The following DOCK10 variants were observed in gnomAD, a reference collection of about 807,000 sequenced individuals.
DOCK10 encodes dedicator of cytokinesis protein 10.
DOCK10 carries 145 observed loss-of-function variants against 280.1 expected under a neutral mutation model. The observed-to-expected ratio is 0.52, with a 90% confidence interval of 0.45 to 0.59. The LOEUF is 0.59. Among genes scored for constraint, DOCK10 ranks in the 20% least tolerant of loss-of-function variants. The probability of loss-of-function intolerance (pLI) is 0.00; values close to 1 mark genes in which losing one functional copy is unlikely to be tolerated. For synonymous variants in DOCK10, 915 were observed against 942.2 expected (o/e 0.97, Z 0.53); for missense variants, 2,368 against 2,651.7 (o/e 0.89, Z 2.35).
At chr2:224,831,450 G>C (rs1695226058) in intron 26 of DOCK10, among the ~76,000 whole-genome samples, 1 of 152,150 alleles carries the variant, frequency 6.6e-6, no homozygotes, top group Middle Eastern at 3.2e-3. Flanking sequence ...GGGGCACAGG[G>C]CCTGGCCTGC....
intron 39 of DOCK10, 73 bp downstream of exon 39, chr2:224,804,039 C>T (rs878924255): frequency 2.6e-6 from 2 of 756,276 alleles, no homozygotes; most frequent in Admixed American, 2.4e-5. Context: ...TGTGTCTACC[C>T]CTGACATGTG....
intron 1 of DOCK10, among the ~76,000 whole-genome samples, chr2:225,032,514 A>G (rs112254703): frequency 6.5e-4 from 99 of 151,244 alleles, no homozygotes; most frequent in African/African-American, 2.2e-3. Context: ...AAAACTTAAA[A>G]TACATTTTTT....
intron 1 of DOCK10, among the ~76,000 whole-genome samples, chr2:224,984,923 C>T (rs970953115): frequency 6.6e-6 from 1 of 151,466 alleles, no homozygotes; most frequent in Non-Finnish European, 1.5e-5. Flanking sequence ...CTCACTGCAA[C>T]CTCGGCCTCC....
At chr2:224,972,780 G>T (rs1440914078) in intron 1 of DOCK10, among the ~76,000 whole-genome samples, 2 of 152,036 alleles carry the variant, frequency 1.3e-5, no homozygotes, top group Non-Finnish European at 2.9e-5. Context: ...GAAATTAAAT[G>T]GTTAATTTCA....
At chr2:224,986,490 C>T (rs1429101081) in intron 1 of DOCK10, among the ~76,000 whole-genome samples, 2 of 152,060 alleles carry the variant, frequency 1.3e-5, no homozygotes, top group Non-Finnish European at 2.9e-5. Context: ...ACCCTGAGCG[C>T]CAATGTGACT....
chr2:224,782,065 C>G (rs181420258), intron 50 of DOCK10, among the ~76,000 whole-genome samples: 5 of 152,220 alleles, frequency 3.3e-5, no homozygotes, highest in Admixed American at 6.5e-5. Flanking sequence ...GAATGAATTT[C>G]TCTGCATTCA....
At chr2:225,041,839 G>A (rs1449327377) in intron 1 of DOCK10, among the ~76,000 whole-genome samples, 1 of 152,136 alleles carries the variant, frequency 6.6e-6, no homozygotes, top group Non-Finnish European at 1.5e-5. Context: ...GGGTGAGAGG[G>A]ACGCGCAGAC....
intron 1 of DOCK10, among the ~76,000 whole-genome samples, chr2:224,952,983 C>CG (rs1703848696): frequency 6.6e-6 from 1 of 152,136 alleles, no homozygotes; most frequent in South Asian, 2.1e-4. Context: ...TCTAAGCAAC[C>CG]GGGGGGCAGA....
chr2:224,858,883 C>T (rs149570436), intron 14 of DOCK10, among the ~76,000 whole-genome samples: 213 of 152,140 alleles, frequency 1.4e-3, no homozygotes, highest in African/African-American at 4.6e-3. Context: ...CGTTTTCTTG[C>T]CCAAAGGAAA....
At chr2:224,791,468 C>CT (rs11399072) in intron 47 of DOCK10, among the ~76,000 whole-genome samples, 25,021 of 141,278 alleles carry the variant, frequency 0.18, 2,416 homozygotes, top group African/African-American at 0.27. Context: ...GTTCAAAAGT[C>CT]TTTTTTTTTT....
At chr2:224,776,464 C>G (rs946762373) in intron 51 of DOCK10, among the ~76,000 whole-genome samples, 5 of 152,104 alleles carry the variant, frequency 3.3e-5, no homozygotes, top group Non-Finnish European at 7.4e-5. Context: ...TCTGTGTATA[C>G]TTTCTACCTA....
intron 1 of DOCK10, among the ~76,000 whole-genome samples, chr2:224,953,354 G>A (rs889597474): frequency 6.6e-6 from 1 of 152,072 alleles, no homozygotes; most frequent in African/African-American, 2.4e-5. Context: ...TTAGTTTGCT[G>A]CACAGCCTTT....
At chr2:224,767,676 C>T (rs1262509223) in intron 55 of DOCK10, among the ~76,000 whole-genome samples, 1 of 152,080 alleles carries the variant, frequency 6.6e-6, no homozygotes, top group Non-Finnish European at 1.5e-5. Context: ...TCTCCCTGCC[C>T]TTAACATAAA....
chr2:224,852,829 CAG>C (rs1412637185), intron 17 of DOCK10, 104 bp downstream of exon 17: 1 of 989,504 alleles, frequency 1.0e-6, no homozygotes, highest in Non-Finnish European at 1.4e-6. Flanking sequence ...TTTTCTATGA[CAG>C]AGTGTTGCCC....
chr2:225,035,580 ATAT>A, intron 1 of DOCK10, among the ~76,000 whole-genome samples: 1 of 109,424 alleles, frequency 9.1e-6, no homozygotes, highest in South Asian at 2.6e-4. Flanking sequence ...ATATATATAT[ATAT>A]ATATAACACT....
intron 1 of DOCK10, among the ~76,000 whole-genome samples, chr2:225,012,803 T>C (rs2126300333): frequency 6.6e-6 from 1 of 152,356 alleles, no homozygotes; most frequent in South Asian, 2.1e-4. Context: ...TGATTTTTAT[T>C]CCCATTTGTA....
rs374525584 is a variant in DOCK10, at chr2:224,805,364, C to A, written c.3936+44G>T. ...ATCAGGATTGAGTGAGAGTGAGTGA[C>A]CTCTGCCTTGTAATGATCAGTAGGT... On this transcript the variant is annotated intron_variant, in intron 35 of 55. Transcript: ENST00000258390. This position sits in a 1 kb window ranked among gnomAD's most constrained non-coding sequence, Gnocchi z 4.3. The A allele has an allele frequency of 6.2e-7, 1 of 1,612,688 alleles. No individual in the cohort carries two copies. Among genetic ancestry groups the A allele is most frequent in the Non-Finnish European group, 8.5e-7 (1 of 1,179,158 alleles).
At chr2:224,800,422 T>TA (rs1692904054) in intron 40 of DOCK10, among the ~76,000 whole-genome samples, 159 bp from the exon 41 acceptor site, 5 of 152,250 alleles carry the variant, frequency 3.3e-5, no homozygotes, top group Non-Finnish European at 7.3e-5. Context: ...CTTCATTGAC[T>TA]GAATTAAAAG....
At chr2:224,898,664 C>A (rs2125840161) in intron 3 of DOCK10, among the ~76,000 whole-genome samples, 1 of 152,320 alleles carries the variant, frequency 6.6e-6, no homozygotes, top group East Asian at 1.9e-4. Flanking sequence ...GCAAGCTCCT[C>A]CTGCCGGGTT....
Sources: allele counts gnomAD v4.1 joint callset (sites outside exome capture counted in the v4.1 genomes callset), GRCh38; gene constraint gnomAD v4.1.1; non-coding constraint Gnocchi (gnomAD v3.1); transcripts MANE v1.5; gene names NCBI Gene and HGNC (gene_info 2026-07-23, HGNC 2026-07-21).